Variants in LRRC56 observed in about 807,000 individuals in gnomAD.
LRRC56 encodes leucine rich repeat containing 56.
LRRC56 carries 41 observed loss-of-function variants against 47.8 expected under a neutral mutation model. The ratio of observed to expected loss-of-function variants is 0.86; its 90% confidence interval spans 0.67 to 1.11. The LOEUF is 1.11. LRRC56 is among the 50% of genes most tolerant of loss of function. The probability of loss-of-function intolerance (pLI) is 0.00; values close to 1 mark genes in which losing one functional copy is unlikely to be tolerated. For missense variants in LRRC56, 759 were observed against 704.2 expected (o/e 1.08, Z -0.88); for synonymous variants, 387 against 311.2 (o/e 1.24, Z -2.56).
Position 549,939 on chromosome 11 carries a change from T to A in LRRC56, c.364T>A (p.Trp122Arg). Reference sequence around the variant, plus strand: ...GTCTCTGGGCCACCTGCAGGTGCTGTGGCTGGCTCGCTGTGGCCTCGCTGA... The same window carrying A: ...GTCTCTGGGCCACCTGCAGGTGCTGAGGCTGGCTCGCTGTGGCCTCGCTGA... ...GTSLGHLQVL[W>R]LARCGLADLD... is the part of the protein sequence containing the mutation. The change falls in exon 7 of 14, where the codon TGG (tryptophan) becomes AGG (arginine). Residue 122 changes from tryptophan (W) to arginine (R), a missense_variant. Trp to Arg is a moderately radical substitution (Grantham distance 101). Transcript: ENST00000270115. The A allele has an allele frequency of 6.2e-7, 1 of 1,612,146 alleles. No homozygotes were observed. Among genetic ancestry groups the A allele is most frequent in the Non-Finnish European group, 8.5e-7 (1 of 1,179,610 alleles).
At chr11:544,652 G>T (rs770491065) in intron 5 of LRRC56, 68 bp from the exon 6 acceptor site, 272 of 1,528,090 alleles carry the variant, frequency 1.8e-4, no homozygotes, top group Non-Finnish European at 2.3e-4. Flanking sequence ...ATGCCTAGGG[G>T]TGAAGGAGGG....
At chr11:510,265 A>G in the LRRC56 span, among the ~76,000 whole-genome samples, 1 of 152,348 alleles carries the variant, frequency 6.6e-6, no homozygotes, top group Non-Finnish European at 1.5e-5. Flanking sequence ...GAGAGGCACC[A>G]GGGTGACTTT....
intron 1 of LRRC56, among the ~76,000 whole-genome samples, chr11:538,177 C>T (rs550815153): frequency 6.6e-6 from 1 of 152,294 alleles, no homozygotes; most frequent in South Asian, 2.1e-4. Context: ...AGCCTCCAAC[C>T]CCTTGCACCC....
chr11:533,410 G>A (rs778295522), upstream of LRRC56: 10 of 1,609,304 alleles, frequency 6.2e-6, no homozygotes, highest in South Asian at 3.3e-5. Context: ...GGGGCGGGGC[G>A]GGGCGGGTCC....
intron 13 of LRRC56, 22 bp downstream of exon 13, chr11:552,724 C>T (rs1160753158): frequency 6.3e-7 from 1 of 1,581,834 alleles, no homozygotes; most frequent in Admixed American, 1.8e-5. Context: ...GCCCGCCTGC[C>T]CCCCAGTGCC....
Position 554,298 on chromosome 11 carries a change from T to A in LRRC56, c.*22T>A. The A allele has an allele frequency of 6.8e-7, 1 of 1,475,274 alleles. No homozygotes were observed. Among genetic ancestry groups the A allele is most frequent in the Non-Finnish European group, 9.0e-7 (1 of 1,117,162 alleles). The allele number at this position is 1,475,274 out of a possible 1,614,324, so 91.4% of individuals were successfully genotyped here. ...TTAATATAGCCCCCACTGCCAGGCTTCCCTGTGCTGGGGCCACGACTTGCC... is the reference window on the plus strand; with the variant it reads ...TTAATATAGCCCCCACTGCCAGGCTACCCTGTGCTGGGGCCACGACTTGCC... On this transcript the variant is annotated 3_prime_UTR_variant, in exon 14 of 14. Coordinates refer to ENST00000270115, the MANE Select transcript of LRRC56 (RefSeq NM_198075.4).
At position 554,667 on chromosome 11, in the gene LRRC56, G is replaced by A. The variant is rs1398728446; in HGVS notation, c.*391G>A. 7.3e-6 allele frequency: 3 copies of A among 411,668 alleles called. No homozygotes were observed. Among genetic ancestry groups the A allele is most frequent in the Non-Finnish European group, 1.3e-5 (3 of 229,722 alleles). The allele number at this position is 411,668 out of a possible 1,614,324, so 25.5% of individuals were successfully genotyped here. ...TCCACCACTCCCTTGCCGGCCCCAG[G>A]GTAAGAGCCACCTCCTAGGCCGCAG... is the stretch of plus-strand genomic sequence containing the variant. On this transcript the variant is annotated 3_prime_UTR_variant, in exon 14 of 14. Transcript: ENST00000270115.
chr11:549,849 TG>T, intron 6 of LRRC56, 52 bp from the exon 7 acceptor site: 1 of 1,520,346 alleles, frequency 6.6e-7, no homozygotes, highest in Non-Finnish European at 9.1e-7. Context: ...AGGCAGGTGG[TG>T]GCTGAGCACA....
intron 5 of LRRC56, among the ~76,000 whole-genome samples, chr11:542,580 CAA>C (rs71022928): frequency 2.7e-4 from 7 of 26,000 alleles, no homozygotes; most frequent in African/African-American, 4.3e-4. Flanking sequence ...AACCCTGTCG[CAA>C]AAAAAAAAAA....
Position 541,733 on chromosome 11 carries a change from G to T in LRRC56, c.265+109G>T. 3.0e-6 allele frequency: 2 copies of T among 675,900 alleles called. No individual in the cohort carries two copies. The highest frequency in any genetic ancestry group is 3.2e-5 in the East Asian group (1 of 31,050). The allele number at this position is 675,900 out of a possible 1,614,324, so 41.9% of individuals were successfully genotyped here. A position where few individuals can be genotyped will look rare whatever the true frequency, so the allele number is the denominator to read the frequency against. ...AAGCTGTCCTCACCTCTCGGGCCGC[G>T]TATCGGCTTCCTTAGGGTTGGCCTC... On this transcript the variant is annotated intron_variant, in intron 5 of 13. Coordinates refer to ENST00000270115, the MANE Select transcript of LRRC56 (RefSeq NM_198075.4). The surrounding 1 kb of genome is among the most constrained non-coding windows in gnomAD (Gnocchi z 4.1).
In LRRC56 at chr11:549,883, C is replaced by A. The variant is rs202201282; in HGVS notation, c.327-19C>A. 98 of 1,609,266 alleles carry A rather than the reference C, an allele frequency of 6.1e-5. No homozygotes were observed. The East Asian group carries it at 2.1e-3, about 35-fold the overall frequency. The stretch of plus-strand genomic sequence containing the variant: ...ACAGGGCTGGGCACATGTTGACCAC[C>A]AAACCCTGCCTTCTGCAGGGACTTG... On this transcript the variant is annotated intron_variant, in intron 6 of 13. Coordinates refer to ENST00000270115, the MANE Select transcript of LRRC56 (RefSeq NM_198075.4).
the LRRC56 span, chr11:532,497 C>T: frequency 8.8e-5 from 104 of 1,183,068 alleles, no homozygotes; most frequent in East Asian, 5.9e-4. Flanking sequence ...TTCCTGCATC[C>T]GGCACCTCCA....
chr11:532,808 G>A (rs528556138), upstream of LRRC56: 7 of 1,567,752 alleles, frequency 4.5e-6, no homozygotes, highest in East Asian at 1.6e-4. Context: ...CGCCTGCCTG[G>A]GTGAGGGGCT....
chr11:552,553 C>T lies in LRRC56; in HGVS notation c.1182-16C>T. On this transcript the variant is annotated splice_polypyrimidine_tract_variant and intron_variant, in intron 12 of 13. Transcript: ENST00000270115. ...GGGGATCAGGGCTGGAGCTTCTCCT[C>T]CTCTCCCCACCCTAGCCCCCTCCCC... is the stretch of plus-strand genomic sequence containing the variant. The T allele has an allele frequency of 1.3e-6, 2 of 1,589,484 alleles. No homozygotes were observed. Among genetic ancestry groups the T allele is most frequent in the Non-Finnish European group, 1.7e-6 (2 of 1,166,902 alleles).
At chr11:522,152 C>T in the LRRC56 span, among the ~76,000 whole-genome samples, 6,672 of 152,168 alleles carry the variant, frequency 0.044, 186 homozygotes, top group Middle Eastern at 0.1. Flanking sequence ...ACGATCACGG[C>T]TCACTGCAGT....
At chr11:509,346 C>G in the LRRC56 span, among the ~76,000 whole-genome samples, 1 of 152,222 alleles carries the variant, frequency 6.6e-6, no homozygotes, top group South Asian at 2.1e-4. Context: ...CTTTTCTTTG[C>G]CATGATCTCT....
At chr11:526,842 CAGG>C in the LRRC56 span, among the ~76,000 whole-genome samples, 1 of 152,016 alleles carries the variant, frequency 6.6e-6, no homozygotes. Flanking sequence ...GAGGCTGAGA[CAGG>C]AGAATTGCTT....
In LRRC56 at chr11:554,520, C is replaced by T; in HGVS notation, c.*244C>T. ...GGAGGGAGGGTCCGGCTCCCCAGCC[C>T]TTCCTTAGGGCCAGGCTTTCCCGCG... On this transcript the variant is annotated 3_prime_UTR_variant, in exon 14 of 14. Coordinates refer to ENST00000270115, the MANE Select transcript of LRRC56 (RefSeq NM_198075.4). 1 of 419,992 alleles carries T rather than the reference C, an allele frequency of 2.4e-6. No homozygotes were observed. The highest frequency in any genetic ancestry group is 4.2e-6 in the Non-Finnish European group (1 of 239,812). The allele number at this position is 419,992 out of a possible 1,614,324, so 26.0% of individuals were successfully genotyped here.
chr11:551,110 C>T, intron 8 of LRRC56, 21 bp from the exon 9 acceptor site: 9 of 1,341,222 alleles, frequency 6.7e-6, no homozygotes, highest in Non-Finnish European at 9.0e-6. Flanking sequence ...GCCCTCCCTC[C>T]CCCTCCCCCT....
Sources: gnomAD v4.1 joint callset for allele counts (sites outside exome capture counted in the v4.1 genomes callset) on GRCh38, gnomAD v4.1.1 for gene constraint, Gnocchi (gnomAD v3.1) non-coding constraint, MANE v1.5 for transcripts, NCBI Gene and HGNC (gene_info 2026-07-23, HGNC 2026-07-21) for gene names.